The following GARNL3 variants were observed in gnomAD, a reference collection of about 807,000 sequenced individuals.
GARNL3 encodes the protein GTPase activating Rap/RanGAP domain like 3.
A neutral mutation model predicts 125.0 loss-of-function variants in GARNL3; 63 were observed. The ratio of observed to expected loss-of-function variants is 0.50; its 90% CI spans 0.41 to 0.62. The LOEUF (loss-of-function observed/expected upper bound fraction) is 0.62, where lower values mean the gene tolerates loss of function less well. Among genes scored for constraint, GARNL3 ranks in the 20% least tolerant of loss-of-function variants. The pLI is 0.00. For synonymous variants in GARNL3, 439 were observed against 457.5 expected, an observed-to-expected ratio of 0.96 and a Z score of 0.52; for missense variants, 994 against 1,244.0, an observed-to-expected ratio of 0.80 and a Z score of 3.02.
chr9:127,255,031 A>G (rs1034699771), intron 2 of GARNL3, among the ~76,000 whole-genome samples: 3 of 152,230 alleles, frequency 2.0e-5, no homozygotes, highest in Non-Finnish European at 4.4e-5. Flanking sequence ...TGGAGCAACT[A>G]GAATGCATAT....
intron 22 of GARNL3, chr9:127,367,257 AC>A (rs2131731343): frequency 6.6e-6 from 1 of 152,358 alleles, no homozygotes; most frequent in East Asian, 1.9e-4. Context: ...TATGTTCTTG[AC>A]TTGATCACAG....
At chr9:127,263,678 T>C, upstream of GARNL3, 1 of 1,099,270 alleles carries the variant, frequency 9.1e-7, no homozygotes, top group South Asian at 4.4e-5. Context: ...AGCAAGAATG[T>C]AGCCTGGGTA....
rs745440863 is a variant in GARNL3, at chr9:127,344,256, T to C, written c.1273T>C (p.Phe425Leu). 1 of 1,611,872 alleles carries C rather than the reference T, an allele frequency of 6.2e-7. No homozygotes were observed. Among genetic ancestry groups the C allele is most frequent in the Non-Finnish European group, 8.5e-7 (1 of 1,179,068 alleles). The part of the protein sequence containing the change: ...LHKNMLNRRS[F>L]SDVLPESPKS... Reference sequence around the variant, plus strand: ...TTAGAACATGCTTAATAGACGATCTTTTAGTGATGTCTTACCAGAGTCACC... The same window carrying C: ...TTAGAACATGCTTAATAGACGATCTCTTAGTGATGTCTTACCAGAGTCACC... Residue 425 changes from phenylalanine (F) to leucine (L), a missense_variant, in exon 15 of 28, where the codon TTT (phenylalanine) becomes CTT (leucine). Coordinates refer to ENST00000373387, the MANE Select transcript of GARNL3 (RefSeq NM_032293.5).
rs189935792 is a variant in GARNL3, at chr9:127,322,186, T to G, written c.567+1408T>G. Among the ~76,000 whole-genome samples the G allele has an allele frequency of 3.5e-4, 54 of 152,302 alleles. No homozygotes were observed. In the East Asian group the frequency reaches 8.1e-3, roughly 23 times the overall value. ...AATTATAAATATGTCAGTACCCATG[T>G]GTCCTTATTACTTCACTCACACAGG... On this transcript the variant is annotated intron_variant, in intron 6 of 27. Transcript: ENST00000373387.
chr9:127,383,382 ACAGT>A lies in GARNL3; in HGVS notation c.2162-53_2162-50del, dbSNP rs973710317. 6 of 1,053,564 alleles carry A rather than the reference ACAGT, an allele frequency of 5.7e-6. No individual in the cohort carries two copies. In the African/African-American group the frequency reaches 9.6e-5, roughly 17 times the overall value. The allele number at this position is 1,053,564 out of a possible 1,614,324, so 65.3% of individuals were successfully genotyped here. ...TTGCCTGTTTTTCATTTCTTTAATT[ACAGT>A]CATCTAAGTGTTGTCTCTAACAAAA... On this transcript the variant is annotated intron_variant, in intron 22 of 27. Coordinates refer to ENST00000373387, the MANE Select transcript of GARNL3 (RefSeq NM_032293.5).
rs2062968676 is a variant in GARNL3 at position 127,229,658 on chromosome 9, G to A, written c.-29+5320G>A. ...CTACAGGTGAGTGCCACCATGCCCA[G>A]CTAACTTTTAAAATTTTGTGTAGAG... On this transcript the variant is annotated intron_variant, in intron 1 of 10. Transcript: ENST00000439286. Among the ~76,000 whole-genome samples, 3 of 152,224 alleles carry A rather than the reference G, an allele frequency of 2.0e-5. No homozygotes were observed. In the South Asian group the frequency reaches 6.2e-4, roughly 32 times the overall value.
intron 1 of GARNL3, among the ~76,000 whole-genome samples, chr9:127,231,231 T>TG (rs1389976620): frequency 7.3e-6 from 1 of 136,836 alleles, no homozygotes; most frequent in Non-Finnish European, 1.6e-5. Flanking sequence ...ATTTTTTGTT[T>TG]TTTTTTTTTT....
intron 1 of GARNL3, among the ~76,000 whole-genome samples, chr9:127,287,907 C>T (rs1160833181): frequency 6.6e-6 from 1 of 152,232 alleles, no homozygotes; most frequent in Non-Finnish European, 1.5e-5. Context: ...CTCTGCTTTC[C>T]AGGGCCAGTA....
intron 1 of GARNL3, among the ~76,000 whole-genome samples, chr9:127,269,061 C>G (rs1317468899): frequency 3.9e-5 from 6 of 152,288 alleles, no homozygotes; most frequent in African/African-American, 1.4e-4. Context: ...TGCAGTGGCA[C>G]AGTCATGGCT....
At chr9:127,284,246 T>C (rs2064182048) in intron 1 of GARNL3, among the ~76,000 whole-genome samples, 1 of 152,230 alleles carries the variant, frequency 6.6e-6, no homozygotes, top group Non-Finnish European at 1.5e-5. Context: ...TTTCATTGTG[T>C]ATGTTTTCCT....
At chr9:127,247,919 C>T (rs1302102893) in intron 2 of GARNL3, among the ~76,000 whole-genome samples, 1 of 152,266 alleles carries the variant, frequency 6.6e-6, no homozygotes, top group East Asian at 1.9e-4. Context: ...TTACCACTAC[C>T]CCCTGTCCCC....
At position 127,384,373 on chromosome 9, in the gene GARNL3, C is replaced by T. The variant is rs1012005698; in HGVS notation, c.2270-654C>T. 2.0e-5 allele frequency among the ~76,000 whole-genome samples: 3 copies of T among 152,056 alleles called. No homozygotes were observed. The highest frequency in any genetic ancestry group is 4.8e-5 in the African/African-American group (2 of 41,366). On this transcript the variant is annotated intron_variant, in intron 23 of 27. Transcript: ENST00000373387. This position sits in a 1 kb window ranked among gnomAD's most constrained non-coding sequence, Gnocchi z 4.0. ...AGCCAGTGCGAAGAAGGGGACAACA[C>T]GAAGTGCCAGGAAGAAAGAGGTGTG...
intron 22 of GARNL3, among the ~76,000 whole-genome samples, chr9:127,365,739 T>C (rs569177316): frequency 6.6e-6 from 1 of 152,300 alleles, no homozygotes; most frequent in Non-Finnish European, 1.5e-5. Context: ...AGTTTAGAGA[T>C]GAGGCAACTG....
At chr9:127,358,010 G>C (rs10987609) in intron 21 of GARNL3, among the ~76,000 whole-genome samples, 7,489 of 152,186 alleles carry the variant, frequency 0.049, 532 homozygotes, top group East Asian at 0.16. Context: ...CCCATTAGGA[G>C]GGAGTGAGCA....
chr9:127,305,081 C>A (rs1666429994), intron 2 of GARNL3, among the ~76,000 whole-genome samples: 1 of 152,128 alleles, frequency 6.6e-6, no homozygotes, highest in South Asian at 2.1e-4. Context: ...AAAACGAATC[C>A]ATGGTGATAG....
chr9:127,287,628 G>T (rs1288672097), intron 1 of GARNL3, among the ~76,000 whole-genome samples: 1 of 152,224 alleles, frequency 6.6e-6, no homozygotes, highest in East Asian at 1.9e-4. Context: ...GGGACACTGA[G>T]ACTGCCACTC....
intron 10 of GARNL3, 125 bp downstream of exon 10, chr9:127,335,458 A>G: frequency 2.7e-6 from 2 of 749,258 alleles, no homozygotes; most frequent in Non-Finnish European, 4.7e-6. Flanking sequence ...CAATTTAGGG[A>G]TGCTTTTGGC....
intron 1 of GARNL3, among the ~76,000 whole-genome samples, chr9:127,269,862 C>A (rs2063783762): frequency 7.0e-6 from 1 of 142,068 alleles, no homozygotes; most frequent in Non-Finnish European, 1.5e-5. Context: ...CAGATGATTT[C>A]CAAATATTTT....
chr9:127,250,171 A>G (rs557469875), intron 2 of GARNL3, among the ~76,000 whole-genome samples: 1 of 152,322 alleles, frequency 6.6e-6, no homozygotes, highest in African/African-American at 2.4e-5. Flanking sequence ...AATACATACA[A>G]TACCTCTGGG....
Sources: gnomAD v4.1 joint callset for allele counts (sites outside exome capture counted in the v4.1 genomes callset) on GRCh38, gnomAD v4.1.1 for gene constraint, Gnocchi (gnomAD v3.1) non-coding constraint, MANE v1.5 for transcripts, NCBI Gene and HGNC (gene_info 2026-07-23, HGNC 2026-07-21) for gene names.